RPAP1: variants seen among roughly 807,000 people sequenced by gnomAD.
The protein encoded by RPAP1 is RNA polymerase II-associated protein 1.
Under a neutral mutation model 142.4 loss-of-function variants are expected in RPAP1, and 109 were observed. That is an observed-to-expected ratio of 0.77 (90% CI 0.66 to 0.90). The LOEUF (loss-of-function observed/expected upper bound fraction) is 0.90, where lower values mean the gene tolerates loss of function less well. RPAP1 is among the 40% of genes least tolerant of loss of function. The probability of loss-of-function intolerance (pLI) is 0.00; values close to 1 mark genes in which losing one functional copy is unlikely to be tolerated. For synonymous variants in RPAP1, 704 were observed against 738.9 expected, an observed-to-expected ratio of 0.95 and a Z score of 0.77; for missense variants, 1,546 against 1,751.7, an observed-to-expected ratio of 0.88 and a Z score of 2.10.
Position 41,524,260 on chromosome 15 carries a change from G to A in RPAP1, c.2076-6C>T. The A allele has an allele frequency of 6.6e-7, 1 of 1,515,844 alleles. No individual in the cohort carries two copies. Among genetic ancestry groups the A allele is most frequent in the Non-Finnish European group, 8.8e-7 (1 of 1,132,094 alleles). The allele number at this position is 1,515,844 out of a possible 1,614,324, so 93.9% of individuals were successfully genotyped here. Reference sequence around the variant, plus strand: ...TCAGCACTGGGTAGAGCTCCCTAGGGAAGAACAGGGACTGATTTTCACTGT... The same window carrying A: ...TCAGCACTGGGTAGAGCTCCCTAGGAAAGAACAGGGACTGATTTTCACTGT... On this transcript the variant is annotated splice_region_variant and splice_polypyrimidine_tract_variant and intron_variant, in intron 15 of 24. Coordinates refer to ENST00000304330, the MANE Select transcript of RPAP1 (RefSeq NM_015540.4).
At chr15:41,524,964 G>A in intron 15 of RPAP1, 27 bp downstream of exon 15, 3 of 1,609,756 alleles carry the variant, frequency 1.9e-6, no homozygotes, top group South Asian at 1.1e-5. Context: ...GGTGTCTAGG[G>A]GGAGCCTACC....
intron 6 of RPAP1, among the ~76,000 whole-genome samples, chr15:41,533,845 A>T (rs2051879933): frequency 6.6e-6 from 1 of 150,692 alleles, no homozygotes; most frequent in Non-Finnish European, 1.5e-5. Context: ...TCTTAAAAAA[A>T]AAAAAAAACC....
Position 41,517,571 on chromosome 15 carries a change from C to A in RPAP1, c.4153G>T (p.Val1385Leu). The change falls in exon 25 of 25, where the codon GTG becomes TTG. Residue 1385 changes from valine to leucine, a missense_variant. Transcript: ENST00000304330. ...QHYLQRLTST[V>L]LQNGVSET ...GTCTCTGATACCCCATTTTGGAGCA[C>A]TGTTGAAGTCAGTCTCTGGAGGTAG... 1 of 1,589,854 alleles carries A rather than the reference C, an allele frequency of 6.3e-7. No individual in the cohort carries two copies. Among genetic ancestry groups the A allele is most frequent in the South Asian group, 1.1e-5 (1 of 87,666 alleles).
chr15:41,541,423 GA>G (rs34842966), intron 1 of RPAP1, among the ~76,000 whole-genome samples: 10,904 of 88,422 alleles, frequency 0.12, 620 homozygotes, highest in East Asian at 0.41. Context: ...ACTCCATCTT[GA>G]AAAAAAAAAA....
At chr15:41,524,843 A>G (rs146480703) in intron 15 of RPAP1, 148 bp downstream of exon 15, 2 of 770,176 alleles carry the variant, frequency 2.6e-6, no homozygotes, top group African/African-American at 3.6e-5. Context: ...CCTGACTCCT[A>G]AGCCTTTTCA....
chr15:41,535,095 G>A (rs541131744), intron 5 of RPAP1, among the ~76,000 whole-genome samples, 160 bp from the exon 6 acceptor site: 1 of 152,288 alleles, frequency 6.6e-6, no homozygotes, highest in African/African-American at 2.4e-5. Flanking sequence ...GACTCCAGGT[G>A]GCTTCTCCAC....
In RPAP1 at chr15:41,527,531, C is replaced by T. The variant is rs2051806008; in HGVS notation, c.1503G>A (p.Lys501=). The T allele has an allele frequency of 6.2e-7, 1 of 1,614,154 alleles. No homozygotes were observed. The highest frequency in any genetic ancestry group is 8.5e-7 in the Non-Finnish European group (1 of 1,180,000). The change falls in exon 12 of 25, where the codon AAG becomes AAA. Residue 501 remains lysine, a synonymous_variant. Transcript: ENST00000304330. ...TFPLMPSQED[K]EDEDEDEECP... ...ATTCTTCATCCTCGTCCTCATCCTC[C>T]TTGTCCTCCTGGCTGGGCATCAGAG...
chr15:41,538,301 G>A (rs1034642353), intron 1 of RPAP1, among the ~76,000 whole-genome samples: 1 of 152,148 alleles, frequency 6.6e-6, no homozygotes, highest in Non-Finnish European at 1.5e-5. Flanking sequence ...ACCTAGGTTG[G>A]AGTGCAGTCT....
chr15:41,538,060 G>A (rs1354014073), intron 1 of RPAP1, among the ~76,000 whole-genome samples: 6 of 152,062 alleles, frequency 3.9e-5, no homozygotes, highest in Non-Finnish European at 7.4e-5. Context: ...TGGTTAACAC[G>A]GTGAAACCCC....
In RPAP1 at chr15:41,517,480, G is replaced by A; in HGVS notation, c.*62C>T. 2.1e-6 allele frequency: 3 copies of A among 1,417,452 alleles called. No individual in the cohort carries two copies. The South Asian group carries it at 4.2e-5, about 20-fold the overall frequency. 87.8% of individuals were successfully genotyped at this position (1,417,452 alleles called of 1,614,324 possible). A position where few individuals can be genotyped will look rare whatever the true frequency, so the allele number is the denominator to read the frequency against. On this transcript the variant is annotated 3_prime_UTR_variant, in exon 25 of 25. Coordinates refer to ENST00000304330, the MANE Select transcript of RPAP1 (RefSeq NM_015540.4). ...GGACACAATGTTCTTCGTCTGGCCA[G>A]ACATCTGTTGAAAGGCTGGATACAG... is the stretch of plus-strand genomic sequence containing the variant.
Position 41,527,895 on chromosome 15 carries a change from C to T in RPAP1, c.1393G>A (p.Ala465Thr), listed in dbSNP as rs748540100. The T allele has an allele frequency of 6.2e-7, 1 of 1,614,076 alleles. No homozygotes were observed. The highest frequency in any genetic ancestry group is 1.7e-5 in the Admixed American group (1 of 60,012). The change falls in exon 11 of 25, where the codon GCT (alanine) becomes ACT (threonine). Residue 465 changes from alanine (A) to threonine (T), a missense_variant. Ala to Thr is a moderately conservative substitution (Grantham distance 58, BLOSUM62 0). This residue lies in a region of RPAP1 where 1,333 missense variants were observed against 1,486.6 expected (regional missense o/e 0.90). Coordinates refer to ENST00000304330, the MANE Select transcript of RPAP1 (RefSeq NM_015540.4). ...VDGVIATAIR[A>T]LRALLVAPGD... The stretch of plus-strand genomic sequence containing the variant: ...GGAGCCACCAGCAGAGCCCGAAGAG[C>T]ACGGATGGCGGTTGCAATGACCCCA...
In RPAP1 at chr15:41,523,986, A is replaced by G; in HGVS notation, c.2235-14T>C. Reference sequence around the variant, plus strand: ...TCAGCAGAATCACTACAAAAGTGCCAAAGGGTGCCACAGTGAGGATCTGGC... The same window carrying G: ...TCAGCAGAATCACTACAAAAGTGCCGAAGGGTGCCACAGTGAGGATCTGGC... On this transcript the variant is annotated splice_polypyrimidine_tract_variant and intron_variant, in intron 16 of 24. Coordinates refer to ENST00000304330, the MANE Select transcript of RPAP1 (RefSeq NM_015540.4). 3.7e-6 allele frequency: 6 copies of G among 1,613,618 alleles called. No individual in the cohort carries two copies. In the Admixed American group the frequency reaches 1.0e-4, roughly 27 times the overall value.
Position 41,527,967 on chromosome 15 carries a change from CATCCAAAAGG to C in RPAP1, c.1311_1320del (p.Leu439ValfsTer49), listed in dbSNP as rs758539311. The C allele has an allele frequency of 1.2e-6, 2 of 1,614,128 alleles. No individual in the cohort carries two copies. The highest frequency in any genetic ancestry group is 4.5e-5 in the East Asian group (2 of 44,874). ...AAGCGCAGTAGGAAGAGGAAACCAGCATCCAAAAGGAGGCTTAAGACACTGCCTGCTAGCC... is the reference window on the plus strand; with the variant it reads ...AAGCGCAGTAGGAAGAGGAAACCAGCAGGCTTAAGACACTGCCTGCTAGCC... On this transcript the variant is annotated frameshift_variant, in exon 11 of 25. Coordinates refer to ENST00000304330, the MANE Select transcript of RPAP1 (RefSeq NM_015540.4). LOFTEE classifies it high-confidence loss of function.
intron 9 of RPAP1, among the ~76,000 whole-genome samples, chr15:41,528,551 G>A (rs949274846): frequency 1.3e-5 from 2 of 152,184 alleles, no homozygotes; most frequent in South Asian, 2.1e-4. Flanking sequence ...ATTTGCGACC[G>A]GCGGACAGGA....
chr15:41,523,061 T>C (rs1328126978), intron 18 of RPAP1, 101 bp from the exon 19 acceptor site: 1 of 1,076,342 alleles, frequency 9.3e-7, no homozygotes, highest in Non-Finnish European at 1.3e-6. Flanking sequence ...GGGGCCTGGC[T>C]GTGGAGGTCA....
Position 41,536,636 on chromosome 15 carries a change from C to A in RPAP1, c.195G>T (p.Leu65Phe), listed in dbSNP as rs760755496. 1.2e-6 allele frequency: 2 copies of A among 1,613,550 alleles called. No homozygotes were observed. The highest frequency in any genetic ancestry group is 1.3e-5 in the African/African-American group (1 of 74,882). The change falls in exon 3 of 25, where the codon TTG (leucine) becomes TTT (phenylalanine). Residue 65 changes from leucine to phenylalanine, a missense_variant. Around this residue, in one of 3 missense-constraint regions of RPAP1, gnomAD observed 1,333 missense variants for 1,486.6 expected, o/e 0.90. Coordinates refer to ENST00000304330, the MANE Select transcript of RPAP1 (RefSeq NM_015540.4). ...DVVMLDNLPD[L>F]PPALVPSPPK... ...GAGGAGAAGGGACCAAAGCTGGGGGCAAATCTGGGAGATCTGAGAAAGAAA... is the reference window on the plus strand; with the variant it reads ...GAGGAGAAGGGACCAAAGCTGGGGGAAAATCTGGGAGATCTGAGAAAGAAA...
chr15:41,523,845 A>G lies in RPAP1; in HGVS notation c.2362T>C (p.Trp788Arg). 1.9e-6 allele frequency: 3 copies of G among 1,609,634 alleles called. No homozygotes were observed. Among genetic ancestry groups the G allele is most frequent in the Non-Finnish European group, 2.5e-6 (3 of 1,178,032 alleles). ...ACGGGCACTGGGCCCACGGCTCTCC[A>G]CATCTCAGGTCTGGACAGCAACTTC... ...TLKLLSRPEM[W>R]RAVGPVPVAC... Residue 788 changes from tryptophan to arginine, a missense_variant, in exon 17 of 25, where the codon TGG becomes CGG. By Grantham distance (101) the Trp-to-Arg change is moderately radical (BLOSUM62 -3). This residue lies in a region of RPAP1 where 1,333 missense variants were observed against 1,486.6 expected (regional missense o/e 0.90). Transcript: ENST00000304330.
chr15:41,535,368 G>A, intron 5 of RPAP1, 144 bp downstream of exon 5: 1 of 1,197,168 alleles, frequency 8.4e-7, no homozygotes, highest in South Asian at 1.5e-5. Context: ...ATGGACCCAA[G>A]CCTCCCATAC....
intron 14 of RPAP1, among the ~76,000 whole-genome samples, chr15:41,526,318 G>GC (rs1470262648): frequency 6.6e-6 from 1 of 152,230 alleles, no homozygotes; most frequent in Non-Finnish European, 1.5e-5. Context: ...GGTGCAACCA[G>GC]CCCACTGCAG....
Sources: gnomAD v4.1 joint callset for allele counts (sites outside exome capture counted in the v4.1 genomes callset) on GRCh38, gnomAD v4.1.1 for gene constraint, gnomAD v4.1.1 regional missense constraint, MANE v1.5 for transcripts, NCBI Gene and HGNC (gene_info 2026-07-23, HGNC 2026-07-21) for gene names.